Variants in EYS observed in about 807,000 individuals in gnomAD.
The protein encoded by EYS is EGF-like photoreceptor maintenance factor, also known as protein eyes shut homolog.
Under a neutral mutation model 282.1 loss-of-function variants are expected in EYS, and 250 were observed. The observed-to-expected ratio is 0.89, with a 90% CI of 0.80 to 0.98. The LOEUF is 0.98. EYS is among the 50% of genes least tolerant of loss of function. The pLI, the probability that EYS is intolerant of heterozygous loss-of-function variation, is 0.00. For synonymous variants in EYS, 1,355 were observed against 1,282.9 expected, an observed-to-expected ratio of 1.06 and a Z score of -1.20; for missense variants, 4,016 against 3,709.0, an observed-to-expected ratio of 1.08 and a Z score of -2.15.
chr6:65,239,930 T>C (rs1199746132), intron 12 of EYS, among the ~76,000 whole-genome samples: 2 of 151,952 alleles, frequency 1.3e-5, no homozygotes, highest in African/African-American at 4.8e-5. Context: ...AGAAAACATA[T>C]CTGATTTTAA....
rs1316708917 is a variant in EYS, at chr6:65,535,390, A to G, written c.-332-39397T>C. 1.4e-4 allele frequency among the ~76,000 whole-genome samples: 22 copies of G among 152,048 alleles called. 1 individual carries two copies. Among genetic ancestry groups the G allele is most frequent in the Non-Finnish European group, 1.3e-4 (9 of 68,000 alleles). On this transcript the variant is annotated intron_variant, in intron 2 of 42. Transcript: ENST00000503581. ...TCCGGTGCTGTTCTCATGGTAGTGA[A>G]TAAGTCTCACGAGATCTGATGGTTT...
intron 12 of EYS, among the ~76,000 whole-genome samples, chr6:65,239,872 A>G (rs537945184): frequency 6.6e-6 from 1 of 152,260 alleles, no homozygotes; most frequent in East Asian, 1.9e-4. Flanking sequence ...ACTTTGTACT[A>G]TAAGCAGAAA....
chr6:63,826,874 CAAAA>C (rs574119158), intron 36 of EYS, among the ~76,000 whole-genome samples: 1 of 91,420 alleles, frequency 1.1e-5, no homozygotes, highest in African/African-American at 3.9e-5. Context: ...AGGACAAAAA[CAAAA>C]AAAAAATACA....
chr6:63,806,262 T>G lies in EYS; in HGVS notation c.7339A>C (p.Lys2447Gln), dbSNP rs182819407. Residue 2447 changes from lysine (K) to glutamine (Q), a missense_variant, in exon 37 of 43, where the codon AAG becomes CAG. By Grantham distance (53) the Lys-to-Gln change is moderately conservative. Transcript: ENST00000503581. The part of the protein sequence containing the change: ...DISFHYEFHL[K>Q]FQLANNHSAL... ...GAGTGGTTGTTTGCCAGCTGAAACTTCAGGTGGAATTCATAATGGAAGCTG... is the reference window on the plus strand; with the variant it reads ...GAGTGGTTGTTTGCCAGCTGAAACTGCAGGTGGAATTCATAATGGAAGCTG... The G allele has an allele frequency of 1.9e-6, 3 of 1,551,624 alleles. No individual in the cohort carries two copies. The African/African-American group carries it at 4.1e-5, about 21-fold the overall frequency.
At chr6:63,852,314 C>A (rs1475607470) in intron 36 of EYS, among the ~76,000 whole-genome samples, 1 of 151,870 alleles carries the variant, frequency 6.6e-6, no homozygotes, top group African/African-American at 2.4e-5. Context: ...ACTGATCCCA[C>A]AGAAATATAA....
rs747798109 is a variant in EYS, at chr6:64,884,412, T to A, written c.2992+2285A>T. On this transcript the variant is annotated intron_variant, in intron 19 of 42. Transcript: ENST00000503581. ...GTTCCGGCTCTGTCACTACCAGATG[T>A]ATGATCTTGAAAAATATACAAAAGT... 2.7e-4 allele frequency among the ~76,000 whole-genome samples: 41 copies of A among 151,674 alleles called. 3 individuals carry two copies. Among genetic ancestry groups the A allele is most frequent in the Non-Finnish European group, 4.4e-5 (3 of 67,596 alleles).
At chr6:65,376,222 C>A (rs1221150327) in intron 8 of EYS, among the ~76,000 whole-genome samples, 4 of 152,088 alleles carry the variant, frequency 2.6e-5, no homozygotes, top group Non-Finnish European at 1.5e-5. Flanking sequence ...GCCCAATAGT[C>A]AACAATCTTA....
chr6:64,580,114 G>T (rs908593160), intron 26 of EYS, among the ~76,000 whole-genome samples: 1 of 152,060 alleles, frequency 6.6e-6, no homozygotes, highest in Admixed American at 6.6e-5. Flanking sequence ...TCATAGCTAA[G>T]CCTTCTTAAC....
At chr6:64,460,218 G>T (rs921423627) in intron 26 of EYS, among the ~76,000 whole-genome samples, 13 of 152,166 alleles carry the variant, frequency 8.5e-5, no homozygotes, top group Non-Finnish European at 1.6e-4. Flanking sequence ...GGCACAAAAT[G>T]TGGATAAATA....
chr6:65,383,739 T>C (rs1046397798), intron 8 of EYS, among the ~76,000 whole-genome samples: 3 of 151,898 alleles, frequency 2.0e-5, no homozygotes, highest in Non-Finnish European at 2.9e-5. Flanking sequence ...AATATTTTTA[T>C]ATTTGTAAGT....
chr6:65,142,779 A>AT (rs1224541791), intron 12 of EYS, among the ~76,000 whole-genome samples: 1 of 151,958 alleles, frequency 6.6e-6, no homozygotes, highest in Admixed American at 6.6e-5. Flanking sequence ...GCTTTATGGT[A>AT]TTTTTCCTGA....
chr6:65,210,033 C>T (rs926276577), intron 12 of EYS, among the ~76,000 whole-genome samples: 2 of 151,850 alleles, frequency 1.3e-5, no homozygotes, highest in African/African-American at 4.8e-5. Flanking sequence ...TGTACAGAGA[C>T]TGTAGTTGAG....
chr6:64,416,947 A>T (rs1431745582), intron 28 of EYS, among the ~76,000 whole-genome samples: 1 of 152,180 alleles, frequency 6.6e-6, no homozygotes, highest in Non-Finnish European at 1.5e-5. Flanking sequence ...AGGAAAACTG[A>T]GAAGTTGTGG....
chr6:63,873,057 G>T (rs1261028135), intron 35 of EYS, among the ~76,000 whole-genome samples: 1 of 151,940 alleles, frequency 6.6e-6, no homozygotes, highest in African/African-American at 2.4e-5. Flanking sequence ...ACACGTGAAG[G>T]TTTGTTACAT....
rs143320014 is a variant in EYS at position 65,401,573 on chromosome 6, G to A, written c.1184+905C>T. On this transcript the variant is annotated intron_variant, in intron 7 of 42. Coordinates refer to ENST00000503581, the MANE Select transcript of EYS (RefSeq NM_001142800.2). ...CAAAAATTTGACAGAATGGATTACAGTTTTCAATATCTTGATATAATGATA... is the reference window on the plus strand; with the variant it reads ...CAAAAATTTGACAGAATGGATTACAATTTTCAATATCTTGATATAATGATA... Among the ~76,000 whole-genome samples, 613 of 151,684 alleles carry A rather than the reference G, an allele frequency of 4.0e-3. 5 individuals carry two copies. The highest frequency in any genetic ancestry group is 0.014 in the African/African-American group (580 of 41,428).
chr6:64,228,534 A>G (rs527932589), intron 31 of EYS, among the ~76,000 whole-genome samples: 1 of 152,288 alleles, frequency 6.6e-6, no homozygotes, highest in South Asian at 2.1e-4. Context: ...TCTGATTATC[A>G]TGTACTTTTA....
intron 19 of EYS, among the ~76,000 whole-genome samples, chr6:64,867,809 A>G (rs764895966): frequency 6.6e-5 from 10 of 151,684 alleles, no homozygotes; most frequent in Non-Finnish European, 1.5e-4. Context: ...ACTTTTGAAA[A>G]TAAGCCTTCA....
In EYS at chr6:63,873,151, C is replaced by A. The variant is rs75364899; in HGVS notation, c.7056-8793G>T. On this transcript the variant is annotated intron_variant, in intron 35 of 42. Coordinates refer to ENST00000503581, the MANE Select transcript of EYS (RefSeq NM_001142800.2). ...ATATCTCCTAATGCTATCCCTCCCCCCTCCCTACACCCCATGACAGGACAC... is the reference window on the plus strand; with the variant it reads ...ATATCTCCTAATGCTATCCCTCCCCACTCCCTACACCCCATGACAGGACAC... Among the ~76,000 whole-genome samples the A allele has an allele frequency of 1.7e-4, 23 of 131,754 alleles. No individual in the cohort carries two copies. The East Asian group carries it at 3.9e-3, about 22-fold the overall frequency. 86.4% of individuals were successfully genotyped at this position (131,754 alleles called of 152,430 possible). A position where few individuals can be genotyped will look rare whatever the true frequency, so the allele number is the denominator to read the frequency against.
intron 19 of EYS, among the ~76,000 whole-genome samples, chr6:64,886,081 G>A (rs1767075840): frequency 6.6e-6 from 1 of 151,768 alleles, no homozygotes; most frequent in African/African-American, 2.4e-5. Context: ...CTATATTATT[G>A]TTAGTCCCAT....
Sources: allele counts gnomAD v4.1 joint callset (sites outside exome capture counted in the v4.1 genomes callset), GRCh38; gene constraint gnomAD v4.1.1; transcripts MANE v1.5; gene names NCBI Gene and HGNC (gene_info 2026-07-23, HGNC 2026-07-21).